CNIH3: variants seen among roughly 807,000 people sequenced by gnomAD.
The protein encoded by CNIH3 is cornichon family AMPA receptor auxiliary protein 3, also known as protein cornichon homolog 3.
In CNIH3, 14 loss-of-function variants were observed where a neutral mutation model predicts 24.1. The ratio of observed to expected loss-of-function variants is 0.58; its 90% confidence interval spans 0.38 to 0.91. The LOEUF (loss-of-function observed/expected upper bound fraction) is 0.91, where lower values mean the gene tolerates loss of function less well. Ranked by LOEUF, CNIH3 falls within the 40% of genes least tolerant of loss-of-function variation. CNIH3 has a pLI of 0.00. For missense variants in CNIH3, 178 were observed against 196.8 expected (o/e 0.90, Z 0.57); for synonymous variants, 68 against 73.8 (o/e 0.92, Z 0.40).
At chr1:224,729,820 A>C (rs1411352831) in intron 3 of CNIH3, among the ~76,000 whole-genome samples, 1 of 152,126 alleles carries the variant, frequency 6.6e-6, no homozygotes, top group Admixed American at 6.5e-5. Context: ...TCCCACCATC[A>C]GGCCTTTCTT....
At chr1:224,505,973 A>T (rs1453964061) in intron 1 of CNIH3, among the ~76,000 whole-genome samples, 1 of 152,212 alleles carries the variant, frequency 6.6e-6, no homozygotes, top group African/African-American at 2.4e-5. Flanking sequence ...ATTGGCTTAA[A>T]GGCTTCATCT....
intron 3 of CNIH3, among the ~76,000 whole-genome samples, chr1:224,718,646 G>C (rs906319366): frequency 1.3e-5 from 2 of 152,108 alleles, no homozygotes; most frequent in African/African-American, 4.8e-5. Context: ...GGGTGGCTCT[G>C]GTGGGAGGAG....
intron 3 of CNIH3, among the ~76,000 whole-genome samples, chr1:224,597,465 T>G (rs758105395): frequency 6.6e-6 from 1 of 152,206 alleles, no homozygotes; most frequent in Non-Finnish European, 1.5e-5. Flanking sequence ...CTATTAATAT[T>G]AAATCATCCT....
rs3738362 is a variant in CNIH3 at position 224,739,515 on chromosome 1, C to T, written c.*159C>T. On this transcript the variant is annotated 3_prime_UTR_variant, in exon 6 of 6. Transcript: ENST00000272133. Reference sequence around the variant, plus strand: ...AATGGGAGCTGGAATCACGCAGCAGCTGGGAGCCGAGTTAACCCTGCGTGT... The same window carrying T: ...AATGGGAGCTGGAATCACGCAGCAGTTGGGAGCCGAGTTAACCCTGCGTGT... The T allele has an allele frequency of 0.27, 369,642 of 1,380,954 alleles. 53,408 individuals carry two copies. The highest frequency in any genetic ancestry group is 0.37 in the Middle Eastern group (1,703 of 4,628). The allele number at this position is 1,380,954 out of a possible 1,614,324, so 85.5% of individuals were successfully genotyped here.
chr1:224,584,161 G>C (rs1010106844), intron 5 of CNIH3, among the ~76,000 whole-genome samples: 4 of 152,134 alleles, frequency 2.6e-5, no homozygotes, highest in East Asian at 1.9e-4. Flanking sequence ...TGTTTTAAAA[G>C]CTATTTTATT....
Position 224,474,765 on chromosome 1 carries a change from C to T in CNIH3, n.203+39903C>T, listed in dbSNP as rs539606463. Among the ~76,000 whole-genome samples the T allele has an allele frequency of 5.9e-5, 9 of 151,580 alleles. No homozygotes were observed. In the South Asian group the frequency reaches 1.0e-3, roughly 18 times the overall value. On this transcript the variant is annotated intron_variant and non_coding_transcript_variant, in intron 1 of 5. Coordinates refer to the CNIH3 transcript ENST00000471578. ...AATCGGAGCCCGGGCCGGTGGCTCACGCCTGTAATCCCAGCACTTTGGGAG... is the reference window on the plus strand; with the variant it reads ...AATCGGAGCCCGGGCCGGTGGCTCATGCCTGTAATCCCAGCACTTTGGGAG...
chr1:224,605,512 G>A (rs1281148311), intron 3 of CNIH3, among the ~76,000 whole-genome samples: 1 of 152,200 alleles, frequency 6.6e-6, no homozygotes, highest in Non-Finnish European at 1.5e-5. Flanking sequence ...CACCAAGTTA[G>A]GAGAATGAGA....
intron 4 of CNIH3, among the ~76,000 whole-genome samples, chr1:224,574,055 T>C (rs1465939114): frequency 6.6e-6 from 1 of 152,192 alleles, no homozygotes; most frequent in Non-Finnish European, 1.5e-5. Flanking sequence ...GAGTCCATTT[T>C]TTATATGTTC....
chr1:224,524,968 A>G (rs768292951), intron 2 of CNIH3, among the ~76,000 whole-genome samples: 2 of 152,194 alleles, frequency 1.3e-5, no homozygotes, highest in Non-Finnish European at 2.9e-5. Context: ...AGACTATAGG[A>G]TATAAATCTG....
chr1:224,616,359 GC>G lies in CNIH3; in HGVS notation c.-815del. The G allele has an allele frequency of 1.6e-6, 1 of 606,124 alleles. No homozygotes were observed. Among genetic ancestry groups the G allele is most frequent in the South Asian group, 3.7e-5 (1 of 26,944 alleles). The allele number at this position is 606,124 out of a possible 1,614,324, so 37.5% of individuals were successfully genotyped here. A position where few individuals can be genotyped will look rare whatever the true frequency, so the allele number is the denominator to read the frequency against. ...GGCGGCGGCGGCGGCAGCGGCAGCA[GC>G]AGGTGGAGCGAGCTACAGCGTTTGG... is the stretch of plus-strand genomic sequence containing the variant. On this transcript the variant is annotated 5_prime_UTR_variant, in exon 1 of 6. Transcript: ENST00000272133.
chr1:224,531,794 A>G (rs1474470637), intron 2 of CNIH3, among the ~76,000 whole-genome samples: 1 of 152,142 alleles, frequency 6.6e-6, no homozygotes, highest in East Asian at 1.9e-4. Context: ...GGAGCTCAGG[A>G]GAGGGTCTGC....
At chr1:224,499,232 G>T (rs1207536114) in intron 1 of CNIH3, among the ~76,000 whole-genome samples, 1 of 152,154 alleles carries the variant, frequency 6.6e-6, no homozygotes, top group African/African-American at 2.4e-5. Context: ...TGACAACTGG[G>T]TAGCCTTCTG....
chr1:224,600,330 T>C (rs1189530768), intron 3 of CNIH3, among the ~76,000 whole-genome samples: 3 of 151,954 alleles, frequency 2.0e-5, no homozygotes, highest in African/African-American at 7.3e-5. Context: ...GCTGTGATTA[T>C]AGGCATGCAC....
intron 3 of CNIH3, among the ~76,000 whole-genome samples, chr1:224,599,218 T>C (rs1682110268): frequency 6.6e-6 from 1 of 152,194 alleles, no homozygotes; most frequent in Non-Finnish European, 1.5e-5. Context: ...TTGTCTCTGC[T>C]CCAGGTGGTG....
At chr1:224,583,597 T>C (rs1020004086) in intron 5 of CNIH3, among the ~76,000 whole-genome samples, 2 of 152,202 alleles carry the variant, frequency 1.3e-5, no homozygotes, top group African/African-American at 2.4e-5. Context: ...CCAAGTTGTT[T>C]GGTTTAGTGA....
intron 3 of CNIH3, among the ~76,000 whole-genome samples, chr1:224,722,955 G>C (rs1024253663): frequency 3.9e-5 from 6 of 152,190 alleles, no homozygotes; most frequent in African/African-American, 1.4e-4. Context: ...CAAAGCAGGA[G>C]AACTTCCCCA....
At chr1:224,734,484 C>T (rs1689493121) in intron 4 of CNIH3, 79 bp from the exon 5 acceptor site, 1 of 1,449,546 alleles carries the variant, frequency 6.9e-7, no homozygotes, top group African/African-American at 1.4e-5. Context: ...TCGACAGAAG[C>T]CCTGCATCGG....
chr1:224,675,891 T>C (rs1686114276), intron 1 of CNIH3, among the ~76,000 whole-genome samples: 1 of 152,248 alleles, frequency 6.6e-6, no homozygotes, highest in Non-Finnish European at 1.5e-5. Context: ...CTCATGTTGC[T>C]TGTGGGAATG....
At chr1:224,516,245 C>T (rs765293445) in intron 1 of CNIH3, among the ~76,000 whole-genome samples, 3 of 138,362 alleles carry the variant, frequency 2.2e-5, no homozygotes, top group Non-Finnish European at 4.6e-5. Flanking sequence ...AACCAGGAGG[C>T]GGAGGTTGCA....
Sources: gnomAD v4.1 joint callset for allele counts (sites outside exome capture counted in the v4.1 genomes callset) on GRCh38, gnomAD v4.1.1 for gene constraint, MANE v1.5 for transcripts, NCBI Gene and HGNC (gene_info 2026-07-23, HGNC 2026-07-21) for gene names.